Variants in PLB1 observed in about 807,000 individuals in gnomAD.
PLB1 encodes phospholipase B1, also known as phospholipase B1, membrane-associated.
A neutral mutation model predicts 227.4 loss-of-function variants in PLB1; 242 were observed. That is an observed-to-expected ratio of 1.06 (90% CI 0.96 to 1.18). The LOEUF is 1.18. Ranked by LOEUF, PLB1 falls within the 50% of genes most tolerant of loss-of-function variation. PLB1 has a pLI of 0.00. For missense variants in PLB1, 1,858 were observed against 1,816.3 expected, an observed-to-expected ratio of 1.02 and a Z score of -0.42; for synonymous variants, 757 against 682.2, an observed-to-expected ratio of 1.11 and a Z score of -1.71.
Position 28,582,471 on chromosome 2 carries a change from G to A in PLB1, c.1699G>A (p.Glu567Lys). Reference sequence around the variant, plus strand: ...CGTCAACCTGAGGGAGCTGTACCAGGAGAAAAAAGTCTACTGCCCAAGGAT... The same window carrying A: ...CGTCAACCTGAGGGAGCTGTACCAGAAGAAAAAAGTCTACTGCCCAAGGAT... ...EIVNLRELYQ[E>K]KKVYCPRMIL... Residue 567 changes from glutamate (E) to lysine (K), a missense_variant, in exon 25 of 58, where the codon GAG becomes AAG. By Grantham distance (56) the Glu-to-Lys change is moderately conservative. Coordinates refer to ENST00000327757, the MANE Select transcript of PLB1 (RefSeq NM_153021.5). 1 of 1,612,296 alleles carries A rather than the reference G, an allele frequency of 6.2e-7. No individual in the cohort carries two copies. The highest frequency in any genetic ancestry group is 1.1e-5 in the South Asian group (1 of 90,524).
At chr2:28,598,783 G>C in intron 35 of PLB1, 23 bp downstream of exon 35, 2 of 1,579,286 alleles carry the variant, frequency 1.3e-6, no homozygotes, top group Non-Finnish European at 1.7e-6. Context: ...GGGAGGGAGG[G>C]AGCCTGCAGA....
At position 28,583,427 on chromosome 2, in the gene PLB1, A is replaced by T. The variant is rs1396227333; in HGVS notation, c.1733+922A>T. Among the ~76,000 whole-genome samples, 3 of 151,298 alleles carry T rather than the reference A, an allele frequency of 2.0e-5. No homozygotes were observed. In the East Asian group the frequency reaches 5.8e-4, roughly 29 times the overall value. On this transcript the variant is annotated intron_variant, in intron 25 of 57. Transcript: ENST00000327757. ...CCGAACTGCTGACCTCAGGTGATCC[A>T]CCCTCCTCGGCCTCCCAAAGTGCTG...
chr2:28,546,633 C>T (rs193048772), intron 14 of PLB1, among the ~76,000 whole-genome samples: 5 of 152,250 alleles, frequency 3.3e-5, no homozygotes, highest in African/African-American at 1.2e-4. Context: ...GTGTCATTTC[C>T]ATCCTTTCTG....
intron 1 of PLB1, among the ~76,000 whole-genome samples, chr2:28,512,475 G>A (rs10865499): frequency 0.17 from 25,538 of 152,058 alleles, 2,355 homozygotes; most frequent in South Asian, 0.27. Context: ...CTTCATCTGG[G>A]ACTGGTGTTT....
At chr2:28,577,499 C>T (rs1422249635) in intron 21 of PLB1, among the ~76,000 whole-genome samples, 1 of 152,214 alleles carries the variant, frequency 6.6e-6, no homozygotes, top group Non-Finnish European at 1.5e-5. Flanking sequence ...CCTGAACAAG[C>T]CTGGCTTGGA....
At chr2:28,515,503 C>A (rs1028687226) in intron 1 of PLB1, among the ~76,000 whole-genome samples, 1 of 152,174 alleles carries the variant, frequency 6.6e-6, no homozygotes, top group Non-Finnish European at 1.5e-5. Flanking sequence ...GGAATCGCTG[C>A]GATCTGGAGG....
intron 50 of PLB1, 150 bp downstream of exon 50, chr2:28,625,258 C>T (rs145353937): frequency 7.2e-5 from 52 of 721,962 alleles, no homozygotes; most frequent in Middle Eastern, 6.6e-4. Context: ...ACCAAGGAGG[C>T]GCCTGCCCTG....
intron 23 of PLB1, among the ~76,000 whole-genome samples, chr2:28,581,494 T>TAAAAATAA (rs1289750477): frequency 1.0e-4 from 4 of 38,902 alleles, no homozygotes; most frequent in African/African-American, 3.7e-4. Flanking sequence ...AAAAAATAAA[T>TAAAAATAA]AAATAAATAA....
chr2:28,534,037 T>C (rs1671354267), intron 9 of PLB1, among the ~76,000 whole-genome samples: 1 of 152,236 alleles, frequency 6.6e-6, no homozygotes, highest in African/African-American at 2.4e-5. Flanking sequence ...AATCCAAGCC[T>C]TATTTTGTGT....
intron 28 of PLB1, 109 bp downstream of exon 28, chr2:28,589,879 A>G (rs1450980200): frequency 7.4e-7 from 1 of 1,357,592 alleles, no homozygotes; most frequent in Non-Finnish European, 1.1e-6. Context: ...GATTCTATGC[A>G]CGGCAATGAC....
rs1428764544 is a variant in PLB1, at chr2:28,532,152, C to A, written c.513C>A (p.Phe171Leu). 1 of 1,613,246 alleles carries A rather than the reference C, an allele frequency of 6.2e-7. No homozygotes were observed. Among genetic ancestry groups the A allele is most frequent in the African/African-American group, 1.3e-5 (1 of 74,866 alleles). Residue 171 changes from phenylalanine to leucine, a missense_variant, in exon 9 of 58, where the codon TTC becomes TTA. Coordinates refer to ENST00000327757, the MANE Select transcript of PLB1 (RefSeq NM_153021.5). ...QFDWKLINVF[F>L]SNASQCYLCP... ...ACTGGAAGCTCATCAATGTGTTCTT[C>A]AGTAATGCAAGCCAGTGTTACCTGT...
In PLB1 at chr2:28,590,032, C is replaced by T. The variant is rs748391028; in HGVS notation, c.2044C>T (p.Arg682Cys). ...GGAGCCTGTTGGCCAGAAGACGACT[C>T]GTCATAAGTTTGAAAACAAGATCAA... ...MLEPVGQKTTRHKFENKINIT... is the reference protein window; with the variant it reads ...MLEPVGQKTTCHKFENKINIT... The change falls in exon 29 of 58, where the codon CGT becomes TGT. Residue 682 changes from arginine (R) to cysteine (C), a missense_variant. By Grantham distance (180) the Arg-to-Cys change is radical. Coordinates refer to ENST00000327757, the MANE Select transcript of PLB1 (RefSeq NM_153021.5). 28 of 1,613,638 alleles carry T rather than the reference C, an allele frequency of 1.7e-5. No individual in the cohort carries two copies. In the African/African-American group the frequency reaches 2.4e-4, roughly 14 times the overall value.
chr2:28,589,484 A>G lies in PLB1; in HGVS notation c.1850A>G (p.Tyr617Cys). 2 of 1,614,212 alleles carry G rather than the reference A, an allele frequency of 1.2e-6. No homozygotes were observed. The highest frequency in any genetic ancestry group is 1.7e-6 in the Non-Finnish European group (2 of 1,180,038). ...CACCAACTGATTGAGAGTGGGCGATATGACACAAGGGAAGATTTTACTGTG... is the reference window on the plus strand; with the variant it reads ...CACCAACTGATTGAGAGTGGGCGATGTGACACAAGGGAAGATTTTACTGTG... ...KTHQLIESGR[Y>C]DTREDFTVVV... Residue 617 changes from tyrosine to cysteine, a missense_variant, in exon 27 of 58, where the codon TAT becomes TGT. Physicochemically the swap from Tyr to Cys is radical, Grantham distance 194 (BLOSUM62 -2). Transcript: ENST00000327757.
In PLB1 at chr2:28,589,089, C is replaced by T. The variant is rs377708468; in HGVS notation, c.1816-361C>T. 1.6e-4 allele frequency among the ~76,000 whole-genome samples: 24 copies of T among 152,044 alleles called. No individual in the cohort carries two copies. The East Asian group carries it at 1.7e-3, about 11-fold the overall frequency. On this transcript the variant is annotated intron_variant, in intron 26 of 57. Coordinates refer to ENST00000327757, the MANE Select transcript of PLB1 (RefSeq NM_153021.5). ...CTGAGGCAGGGGAATCGCTTGAACC[C>T]GGGAGGCGGAGGTTGCAGTGAGCCA... is the stretch of plus-strand genomic sequence containing the variant.
At chr2:28,535,486 G>A (rs1242714741) in intron 9 of PLB1, among the ~76,000 whole-genome samples, 1 of 152,184 alleles carries the variant, frequency 6.6e-6, no homozygotes, top group African/African-American at 2.4e-5. Context: ...CCTCCTAGTG[G>A]TACCTCTGGC....
chr2:28,588,057 C>T (rs1299063496), intron 26 of PLB1, among the ~76,000 whole-genome samples: 1 of 152,106 alleles, frequency 6.6e-6, no homozygotes, highest in East Asian at 1.9e-4. Flanking sequence ...CCATCATGCC[C>T]TGTCTCAGAA....
chr2:28,630,355 A>G lies in PLB1; in HGVS notation c.3819-231A>G, dbSNP rs4517930. Among the ~76,000 whole-genome samples the G allele has an allele frequency of 0.43, 65,925 of 152,038 alleles. 15,289 individuals carry two copies. The highest frequency in any genetic ancestry group is 0.61 in the African/African-American group (25,361 of 41,452). ...AGCTTTCCCTCTTTCTCTATGAACA[A>G]TCATCCTCTGGACCTCAGGGCTCCT... On this transcript the variant is annotated intron_variant, in intron 53 of 57. Coordinates refer to ENST00000327757, the MANE Select transcript of PLB1 (RefSeq NM_153021.5).
intron 51 of PLB1, among the ~76,000 whole-genome samples, chr2:28,628,157 C>T (rs894687429): frequency 1.2e-4 from 18 of 152,158 alleles, no homozygotes; most frequent in African/African-American, 3.9e-4. Flanking sequence ...ACATTTCAGG[C>T]AGTGGGACCA....
chr2:28,556,287 A>G (rs1675101261), intron 17 of PLB1, among the ~76,000 whole-genome samples: 1 of 152,242 alleles, frequency 6.6e-6, no homozygotes, highest in Non-Finnish European at 1.5e-5. Context: ...CCTGTCATCA[A>G]CAGGCCATGG....
Sources: gnomAD v4.1 joint callset for allele counts (sites outside exome capture counted in the v4.1 genomes callset) on GRCh38, gnomAD v4.1.1 for gene constraint, MANE v1.5 for transcripts, NCBI Gene and HGNC (gene_info 2026-07-23, HGNC 2026-07-21) for gene names.